The following ADTRP variants were observed in gnomAD, a reference collection of about 807,000 sequenced individuals.
The protein encoded by ADTRP is androgen-dependent TFPI-regulating protein.
Under a neutral mutation model 27.0 loss-of-function variants are expected in ADTRP, and 20 were observed. The ratio of observed to expected loss-of-function variants is 0.74; its 90% confidence interval spans 0.52 to 1.08. The LOEUF (loss-of-function observed/expected upper bound fraction) is 1.08, where lower values mean the gene tolerates loss of function less well. ADTRP is among the 50% of genes least tolerant of loss of function. ADTRP has a pLI of 0.00. For synonymous variants in ADTRP, 101 were observed against 105.2 expected, an observed-to-expected ratio of 0.96 and a Z score of 0.25; for missense variants, 251 against 275.0, an observed-to-expected ratio of 0.91 and a Z score of 0.62.
chr6:11,776,290 T>G (rs1561779759), intron 1 of ADTRP, among the ~76,000 whole-genome samples: 1 of 152,086 alleles, frequency 6.6e-6, no homozygotes, highest in African/African-American at 2.4e-5. Flanking sequence ...AGGGACTGCT[T>G]GAGGATGCAG....
intron 3 of ADTRP, among the ~76,000 whole-genome samples, chr6:11,748,742 G>T (rs1762946090): frequency 6.6e-6 from 1 of 152,250 alleles, no homozygotes; most frequent in Admixed American, 6.5e-5. Flanking sequence ...TGGGAGAGCA[G>T]ATGGGGAGCA....
intron 3 of ADTRP, among the ~76,000 whole-genome samples, chr6:11,749,605 G>T (rs1271443713): frequency 6.6e-6 from 1 of 152,124 alleles, no homozygotes; most frequent in Non-Finnish European, 1.5e-5. Flanking sequence ...ACCGAGGTAG[G>T]AGAAGAACAA....
chr6:11,763,563 G>A (rs1466858401), intron 3 of ADTRP, among the ~76,000 whole-genome samples: 2 of 152,274 alleles, frequency 1.3e-5, no homozygotes, highest in South Asian at 2.1e-4. Flanking sequence ...CGGACTGCCC[G>A]TCATTACTCT....
intron 5 of ADTRP, among the ~76,000 whole-genome samples, chr6:11,716,741 G>T (rs1346690375): frequency 8.5e-5 from 6 of 70,354 alleles, no homozygotes; most frequent in Non-Finnish European, 1.7e-4. Context: ...TTGAGACAGG[G>T]TCTTCCTCTG....
At chr6:11,762,237 G>A (rs536466081) in intron 3 of ADTRP, among the ~76,000 whole-genome samples, 57 of 152,352 alleles carry the variant, frequency 3.7e-4, no homozygotes, top group Non-Finnish European at 7.8e-4. Flanking sequence ...AGTCAGGCCA[G>A]GACAGGTAGG....
intron 1 of ADTRP, among the ~76,000 whole-genome samples, chr6:11,770,658 G>C (rs944286333): frequency 1.3e-5 from 2 of 152,180 alleles, no homozygotes; most frequent in Non-Finnish European, 2.9e-5. Flanking sequence ...TTAAATGGCA[G>C]GAAGGGGTTG....
intron 3 of ADTRP, among the ~76,000 whole-genome samples, chr6:11,758,934 C>G (rs1763315304): frequency 6.6e-6 from 1 of 152,062 alleles, no homozygotes; most frequent in South Asian, 2.1e-4. Context: ...TAAATAAAGC[C>G]TTTACTCTCT....
chr6:11,758,733 T>A (rs1763307863), intron 3 of ADTRP, among the ~76,000 whole-genome samples: 1 of 151,534 alleles, frequency 6.6e-6, no homozygotes, highest in African/African-American at 2.4e-5. Flanking sequence ...ATAAAATAAA[T>A]AAATAAATAA....
chr6:11,726,807 T>A (rs576871093), intron 4 of ADTRP, among the ~76,000 whole-genome samples: 2 of 152,268 alleles, frequency 1.3e-5, no homozygotes, highest in African/African-American at 4.8e-5. Flanking sequence ...CTTAAAATCG[T>A]TAAAGTTGTA....
chr6:11,755,093 C>T, intron 3 of ADTRP: 1 of 985,268 alleles, frequency 1.0e-6, no homozygotes, highest in Non-Finnish European at 1.2e-6. Flanking sequence ...CACATGGTTG[C>T]CAAGGATGTG....
intron 4 of ADTRP, among the ~76,000 whole-genome samples, chr6:11,724,802 T>C (rs56097871): frequency 0.03 from 4,627 of 152,252 alleles, 228 homozygotes; most frequent in African/African-American, 0.11. Context: ...GTTGTAAAGA[T>C]TACGGGAGTT....
At chr6:11,762,217 CAT>C (rs1408856472) in intron 3 of ADTRP, among the ~76,000 whole-genome samples, 2 of 152,256 alleles carry the variant, frequency 1.3e-5, no homozygotes, top group Admixed American at 1.3e-4. Flanking sequence ...ATGCCTTGCT[CAT>C]GAGTTACAGT....
At chr6:11,741,286 G>A (rs2254655) in intron 3 of ADTRP, among the ~76,000 whole-genome samples, 44,105 of 152,160 alleles carry the variant, frequency 0.29, 7,718 homozygotes, top group East Asian at 0.67. Context: ...GGAGAGATTT[G>A]TGAGAAAGCA....
intron 3 of ADTRP, among the ~76,000 whole-genome samples, chr6:11,764,010 C>T (rs1193773582): frequency 6.6e-6 from 1 of 152,186 alleles, no homozygotes; most frequent in East Asian, 1.9e-4. Flanking sequence ...GTAGCTTCCT[C>T]CTCCTCTTCT....
intron 1 of ADTRP, among the ~76,000 whole-genome samples, 194 bp from the exon 2 acceptor site, chr6:11,768,577 T>C (rs1250031879): frequency 1.3e-5 from 2 of 152,158 alleles, no homozygotes; most frequent in African/African-American, 4.8e-5. Context: ...CTAAGACTGA[T>C]TGAGCAAATT....
intron 1 of ADTRP, among the ~76,000 whole-genome samples, chr6:11,770,797 T>C (rs1763746151): frequency 6.6e-6 from 1 of 152,070 alleles, no homozygotes. Flanking sequence ...CCCCCACCAG[T>C]AGCCTCGCCT....
chr6:11,754,093 G>A (rs1404566930), intron 3 of ADTRP, among the ~76,000 whole-genome samples: 1 of 152,164 alleles, frequency 6.6e-6, no homozygotes, highest in East Asian at 1.9e-4. Context: ...TAAGATCAGT[G>A]ATCTGAGTGA....
intron 4 of ADTRP, among the ~76,000 whole-genome samples, chr6:11,729,076 GC>G (rs1295538890): frequency 6.6e-6 from 1 of 152,104 alleles, no homozygotes; most frequent in Admixed American, 6.5e-5. Flanking sequence ...CATTATAATG[GC>G]TGTCAAGAAA....
At chr6:11,772,977 G>A (rs1270754543) in intron 1 of ADTRP, among the ~76,000 whole-genome samples, 2 of 152,342 alleles carry the variant, frequency 1.3e-5, no homozygotes, top group Non-Finnish European at 2.9e-5. Context: ...GGCCAATGTC[G>A]CATAGCTGAG....
Sources: gnomAD v4.1 joint callset for allele counts (sites outside exome capture counted in the v4.1 genomes callset) on GRCh38, gnomAD v4.1.1 for gene constraint, MANE v1.5 for transcripts, NCBI Gene and HGNC (gene_info 2026-07-23, HGNC 2026-07-21) for gene names.